Variants in TOP1 observed in about 807,000 individuals in gnomAD.
TOP1 encodes DNA topoisomerase 1.
In TOP1, 10 loss-of-function variants were observed where a neutral mutation model predicts 111.1. The observed-to-expected ratio is 0.09, with a 90% CI of 0.06 to 0.15. The LOEUF (loss-of-function observed/expected upper bound fraction) is 0.15, where lower values mean the gene tolerates loss of function less well. Among genes scored for constraint, TOP1 ranks in the 10% least tolerant of loss-of-function variants. The probability of loss-of-function intolerance (pLI) is 1.00; values close to 1 mark genes in which losing one functional copy is unlikely to be tolerated. For missense variants in TOP1, 474 were observed against 926.7 expected, an observed-to-expected ratio of 0.51 and a Z score of 6.34; for synonymous variants, 271 against 302.9, an observed-to-expected ratio of 0.89 and a Z score of 1.10.
At chr20:41,047,634 C>T (rs2033350044) in intron 2 of TOP1, among the ~76,000 whole-genome samples, 1 of 152,248 alleles carries the variant, frequency 6.6e-6, no homozygotes. Flanking sequence ...TGGCCATGCT[C>T]ATTCATTTAC....
rs1366954543 is a variant in TOP1 at position 41,079,527 on chromosome 20, A to T, written c.336-558A>T. 1.3e-5 allele frequency among the ~76,000 whole-genome samples: 2 copies of T among 152,226 alleles called. No individual in the cohort carries two copies. Among genetic ancestry groups the T allele is most frequent in the Non-Finnish European group, 2.9e-5 (2 of 68,032 alleles). ...ATTTGGCATAGGATACCTTCTGTTT[A>T]TTCTGGTTTAACACGTGCCCTACTT... On this transcript the variant is annotated intron_variant, in intron 5 of 20. Coordinates refer to ENST00000361337, the MANE Select transcript of TOP1 (RefSeq NM_003286.4). This position sits in a 1 kb window ranked among gnomAD's most constrained non-coding sequence, Gnocchi z 4.0.
At chr20:41,057,868 C>T (rs2033493380) in intron 2 of TOP1, among the ~76,000 whole-genome samples, 1 of 152,072 alleles carries the variant, frequency 6.6e-6, no homozygotes, top group South Asian at 2.1e-4. Flanking sequence ...GATTGTGGTG[C>T]TATTACATGT....
rs768603966 is a variant in TOP1 at position 41,078,869 on chromosome 20, A to T, written c.336-1216A>T. ...GTAGAGAATCCAGATGCTTCACTGG[A>T]ATACAGTTTTCAGGTAAATTGTTTT... On this transcript the variant is annotated intron_variant, in intron 5 of 20. Coordinates refer to ENST00000361337, the MANE Select transcript of TOP1 (RefSeq NM_003286.4). The surrounding 1 kb of genome is among the most constrained non-coding windows in gnomAD (Gnocchi z 5.3). 1.5e-4 allele frequency among the ~76,000 whole-genome samples: 23 copies of T among 152,190 alleles called. No individual in the cohort carries two copies. The highest frequency in any genetic ancestry group is 2.4e-4 in the Non-Finnish European group (16 of 68,026).
chr20:41,050,514 C>A lies in TOP1; in HGVS notation c.59-10880C>A, dbSNP rs142681461. Among the ~76,000 whole-genome samples, 1,058 of 152,322 alleles carry A rather than the reference C, an allele frequency of 6.9e-3. 12 individuals are homozygous for A. The highest frequency in any genetic ancestry group is 0.022 in the East Asian group (115 of 5,188). On this transcript the variant is annotated intron_variant, in intron 2 of 20. Transcript: ENST00000361337. ...TTGCTGTAAAGTAGTGATAAGGACT[C>A]TTCTGTAGGCTACAAATTGAAACCA...
At position 41,106,666 on chromosome 20, in the gene TOP1, AT is replaced by A. The variant is rs1041538874; in HGVS notation, c.1308+5320del. ...AGTTTTTATTGCTAATGTGAATGAG[AT>A]TTTTTTCCATTATGTTTCTGTTGGT... On this transcript the variant is annotated intron_variant, in intron 13 of 20. Transcript: ENST00000361337. This position sits in a 1 kb window ranked among gnomAD's most constrained non-coding sequence, Gnocchi z 4.3. Among the ~76,000 whole-genome samples, 1 of 151,890 alleles carries A rather than the reference AT, an allele frequency of 6.6e-6. No individual in the cohort carries two copies. Among genetic ancestry groups the A allele is most frequent in the African/African-American group, 2.4e-5 (1 of 41,338 alleles).
intron 2 of TOP1, among the ~76,000 whole-genome samples, chr20:41,053,458 C>A (rs1012379194): frequency 7.2e-5 from 11 of 152,100 alleles, no homozygotes; most frequent in Admixed American, 5.9e-4. Flanking sequence ...TACTCTTAGA[C>A]TTTTTTTCCC....
chr20:41,074,615 T>A (rs1476406503), intron 3 of TOP1, among the ~76,000 whole-genome samples: 3 of 152,202 alleles, frequency 2.0e-5, no homozygotes, highest in Non-Finnish European at 4.4e-5. Context: ...TCTCAAGTTG[T>A]AGCTACTTTT....
chr20:41,059,220 C>T (rs1176656470), intron 2 of TOP1, among the ~76,000 whole-genome samples: 2 of 151,814 alleles, frequency 1.3e-5, no homozygotes, highest in Non-Finnish European at 2.9e-5. Context: ...TTAGTGGGTA[C>T]TAGGCTTAAT....
At chr20:41,059,679 A>G (rs567922265) in intron 2 of TOP1, among the ~76,000 whole-genome samples, 1 of 152,272 alleles carries the variant, frequency 6.6e-6, no homozygotes, top group African/African-American at 2.4e-5. Flanking sequence ...AGACCCTAAA[A>G]GAGAAAATTG....
Position 41,110,560 on chromosome 20 carries a change from A to T in TOP1, c.1309-2222A>T, listed in dbSNP as rs182023582. ...TTTGTAATCTTGAATCCAGATCCTG[A>T]TTCCACCCAACCACTCTGCTGAATG... On this transcript the variant is annotated intron_variant, in intron 13 of 20. Coordinates refer to ENST00000361337, the MANE Select transcript of TOP1 (RefSeq NM_003286.4). The surrounding 1 kb of genome is among the most constrained non-coding windows in gnomAD (Gnocchi z 4.2). 1.5e-4 allele frequency among the ~76,000 whole-genome samples: 23 copies of T among 152,314 alleles called. No homozygotes were observed. The highest frequency in any genetic ancestry group is 2.5e-4 in the Non-Finnish European group (17 of 68,022).
In TOP1 at chr20:41,101,152, A is replaced by C; in HGVS notation, c.1164-57A>C. On this transcript the variant is annotated intron_variant, in intron 12 of 20. Coordinates refer to ENST00000361337, the MANE Select transcript of TOP1 (RefSeq NM_003286.4). This position sits in a 1 kb window ranked among gnomAD's most constrained non-coding sequence, Gnocchi z 4.1. ...CAGATAGGTCCACTTGGGGTCATGA[A>C]AGGTGAAATTATTCCTCACATCTTA... The C allele has an allele frequency of 6.3e-7, 1 of 1,596,588 alleles. No homozygotes were observed. Among genetic ancestry groups the C allele is most frequent in the Non-Finnish European group, 8.6e-7 (1 of 1,165,734 alleles).
intron 3 of TOP1, among the ~76,000 whole-genome samples, chr20:41,065,907 A>C (rs2033600872): frequency 6.6e-6 from 1 of 152,156 alleles, no homozygotes; most frequent in Non-Finnish European, 1.5e-5. Context: ...TTGCTAGATC[A>C]TGTCCAACAA....
At chr20:41,038,415 C>T (rs1423860353) in intron 2 of TOP1, among the ~76,000 whole-genome samples, 1 of 152,192 alleles carries the variant, frequency 6.6e-6, no homozygotes, top group Admixed American at 6.5e-5. Context: ...AAAACAACAA[C>T]AACAACACCT....
rs374632156 is a variant in TOP1 at position 41,101,035 on chromosome 20, G to A, written c.1164-174G>A. On this transcript the variant is annotated intron_variant, in intron 12 of 20. Coordinates refer to ENST00000361337, the MANE Select transcript of TOP1 (RefSeq NM_003286.4). The surrounding 1 kb of genome is among the most constrained non-coding windows in gnomAD (Gnocchi z 4.1). Reference sequence around the variant, plus strand: ...CTGGAATTTTGTATTGAATATTTTCGGATGACAGTTGGCTGAGGGTAAGTA... The same window carrying A: ...CTGGAATTTTGTATTGAATATTTTCAGATGACAGTTGGCTGAGGGTAAGTA... 3.7e-4 allele frequency: 218 copies of A among 593,790 alleles called. 3 individuals carry two copies. Among genetic ancestry groups the A allele is most frequent in the East Asian group, 2.6e-3 (93 of 36,128 alleles). 36.8% of individuals were successfully genotyped at this position (593,790 alleles called of 1,614,324 possible).
chr20:41,107,895 G>T (rs2034172695), intron 13 of TOP1, among the ~76,000 whole-genome samples: 1 of 152,150 alleles, frequency 6.6e-6, no homozygotes, highest in Non-Finnish European at 1.5e-5. Context: ...TAAGGCCCCT[G>T]ACTTCAAGTC....
At position 41,046,877 on chromosome 20, in the gene TOP1, C is replaced by T. The variant is rs73121283; in HGVS notation, c.59-14517C>T. Among the ~76,000 whole-genome samples, 10,364 of 152,276 alleles carry T rather than the reference C, an allele frequency of 0.068. 489 individuals carry two copies. Among genetic ancestry groups the T allele is most frequent in the Middle Eastern group, 0.13 (39 of 294 alleles). ...TTAAGAAGCAGAATTAGCAGTGGGC[C>T]AGTCATTGGCCTCTCTTCAGAGTTC... On this transcript the variant is annotated intron_variant, in intron 2 of 20. Coordinates refer to ENST00000361337, the MANE Select transcript of TOP1 (RefSeq NM_003286.4). The surrounding 1 kb of genome is among the most constrained non-coding windows in gnomAD (Gnocchi z 4.3).
At chr20:41,120,772 C>T (rs1460945044) in intron 18 of TOP1, among the ~76,000 whole-genome samples, 9 of 152,154 alleles carry the variant, frequency 5.9e-5, no homozygotes, top group African/African-American at 4.8e-5. Flanking sequence ...GACGGAGTCT[C>T]GCTCTGTTGC....
Position 41,098,578 on chromosome 20 carries a change from C to T in TOP1, c.975+241C>T, listed in dbSNP as rs908089473. On this transcript the variant is annotated intron_variant, in intron 11 of 20. Transcript: ENST00000361337. This position sits in a 1 kb window ranked among gnomAD's most constrained non-coding sequence, Gnocchi z 5.7. ...CTTGGTGCTTCAGTGACCTAAAAAC[C>T]AGTCAGTAACTCCAGCCAATAATAT... The T allele has an allele frequency of 4.9e-6, 2 of 404,168 alleles. No homozygotes were observed. The highest frequency in any genetic ancestry group is 2.1e-5 in the African/African-American group (1 of 47,816). The allele number at this position is 404,168 out of a possible 1,614,324, so 25.0% of individuals were successfully genotyped here. A position where few individuals can be genotyped will look rare whatever the true frequency, so the allele number is the denominator to read the frequency against.
At chr20:41,033,809 C>A (rs2033151619) in intron 2 of TOP1, among the ~76,000 whole-genome samples, 1 of 152,132 alleles carries the variant, frequency 6.6e-6, no homozygotes. Context: ...TTCTTCAAAT[C>A]CAAAGTCGTT....
Sources: gnomAD v4.1 joint callset for allele counts (sites outside exome capture counted in the v4.1 genomes callset) on GRCh38, gnomAD v4.1.1 for gene constraint, Gnocchi (gnomAD v3.1) non-coding constraint, MANE v1.5 for transcripts, NCBI Gene and HGNC (gene_info 2026-07-23, HGNC 2026-07-21) for gene names.